Variants in COLEC10 observed in about 807,000 individuals in gnomAD.
COLEC10 encodes collectin-10.
COLEC10 carries 22 observed loss-of-function variants against 28.4 expected under a neutral mutation model. The ratio of observed to expected loss-of-function variants is 0.78; its 90% CI spans 0.55 to 1.11. The LOEUF is 1.11. Among genes scored for constraint, COLEC10 ranks in the 50% least tolerant of loss-of-function variants. The pLI, the probability that COLEC10 is intolerant of heterozygous loss-of-function variation, is 0.00. For synonymous variants in COLEC10, 125 were observed against 116.1 expected, an observed-to-expected ratio of 1.08 and a Z score of -0.49; for missense variants, 361 against 344.1, an observed-to-expected ratio of 1.05 and a Z score of -0.39.
At chr8:119,004,566 A>G (rs7838083) in intron 1 of COLEC10, among the ~76,000 whole-genome samples, 96,550 of 149,596 alleles carry the variant, frequency 0.65, 32,157 homozygotes, top group African/African-American at 0.81. Context: ...CATATATATC[A>G]CCAAATATAT....
At position 119,033,781 on chromosome 8, in the gene COLEC10, A is replaced by G. The variant is rs1310753105; in HGVS notation, n.235+24228A>G. On this transcript the variant is annotated intron_variant and non_coding_transcript_variant, in intron 2 of 6. Transcript: ENST00000521788. ...GTTCTGGAGAAATAGGAATGCTTTT[A>G]TACTGTTGGTGGGAGTGTAAATTAG... Among the ~76,000 whole-genome samples, 7 of 152,364 alleles carry G rather than the reference A, an allele frequency of 4.6e-5. No individual in the cohort carries two copies. In the South Asian group the frequency reaches 8.3e-4, roughly 18 times the overall value.
rs188868075 is a variant in COLEC10, at chr8:119,108,134, T to C, written c.*1943T>C. Among the ~76,000 whole-genome samples, 193 of 152,286 alleles carry C rather than the reference T, an allele frequency of 1.3e-3. 2 individuals are homozygous for C. The highest frequency in any genetic ancestry group is 3.4e-3 in the Middle Eastern group (1 of 294). ...TATCAGGTTACTAGTTAAACTCTTT[T>C]GAGATGATAGTACATGACACTTTAA... On this transcript the variant is annotated 3_prime_UTR_variant, in exon 6 of 6. Transcript: ENST00000332843.
the COLEC10 span, among the ~76,000 whole-genome samples, chr8:118,957,453 A>C: frequency 6.6e-6 from 1 of 152,212 alleles, no homozygotes; most frequent in African/African-American, 2.4e-5. Flanking sequence ...AAAAGAACAC[A>C]TGAGGTGGCC....
chr8:118,969,624 A>G, the COLEC10 span, among the ~76,000 whole-genome samples: 1 of 151,228 alleles, frequency 6.6e-6, no homozygotes, highest in Non-Finnish European at 1.5e-5. Flanking sequence ...ATTGTGGTAC[A>G]CCCAATACCC....
chr8:119,067,180 G>A (rs1222788085), upstream of COLEC10: 4 of 1,246,690 alleles, frequency 3.2e-6, no homozygotes, highest in South Asian at 1.4e-5. Flanking sequence ...TGGAATGTGT[G>A]TTCCAAATAC....
At chr8:119,016,579 C>T (rs550972923) in intron 2 of COLEC10, among the ~76,000 whole-genome samples, 4 of 152,144 alleles carry the variant, frequency 2.6e-5, no homozygotes, top group Admixed American at 6.5e-5. Flanking sequence ...GTTTTCGGTA[C>T]TAGATCCTTA....
upstream of COLEC10, among the ~76,000 whole-genome samples, chr8:118,993,351 T>A (rs115257295): frequency 6.6e-5 from 10 of 151,894 alleles, no homozygotes; most frequent in African/African-American, 2.4e-4. Context: ...TGTTTGTTTA[T>A]GTTTCATTTT....
intron 2 of COLEC10, among the ~76,000 whole-genome samples, chr8:119,019,331 G>A (rs79507112): frequency 0.021 from 3,193 of 152,188 alleles, 54 homozygotes; most frequent in Non-Finnish European, 0.029. Flanking sequence ...AGTGCAGTCC[G>A]TATTGAAGGG....
chr8:118,961,960 A>T, the COLEC10 span, among the ~76,000 whole-genome samples: 1 of 152,160 alleles, frequency 6.6e-6, no homozygotes, highest in Non-Finnish European at 1.5e-5. Context: ...AGCTGAGCTC[A>T]TGTTCTCCAA....
At chr8:118,976,181 A>G in the COLEC10 span, among the ~76,000 whole-genome samples, 1 of 151,988 alleles carries the variant, frequency 6.6e-6, no homozygotes, top group East Asian at 1.9e-4. Context: ...ATCCTCTTTT[A>G]TTTTCCCACT....
intron 2 of COLEC10, among the ~76,000 whole-genome samples, chr8:119,017,881 T>C (rs1025877372): frequency 6.6e-6 from 1 of 152,158 alleles, no homozygotes; most frequent in Non-Finnish European, 1.5e-5. Flanking sequence ...TTATTAGCTG[T>C]TTAAGAAGTC....
At chr8:118,976,991 A>G in the COLEC10 span, among the ~76,000 whole-genome samples, 4 of 150,274 alleles carry the variant, frequency 2.7e-5, no homozygotes, top group South Asian at 2.1e-4. Flanking sequence ...CAAAAAACAC[A>G]TGAAAAAATG....
the COLEC10 span, among the ~76,000 whole-genome samples, chr8:118,964,410 A>G: frequency 9.2e-5 from 14 of 152,178 alleles, no homozygotes; most frequent in African/African-American, 3.4e-4. Context: ...TTACAAATTG[A>G]GGAAGTTAGA....
chr8:119,069,623 AAAAAAAAT>A (rs1431293939), intron 1 of COLEC10, among the ~76,000 whole-genome samples: 9 of 54,338 alleles, frequency 1.7e-4, no homozygotes, highest in Non-Finnish European at 2.0e-4. Flanking sequence ...AAAAAAAAAA[AAAAAAAAT>A]ATATATATAT....
At chr8:118,963,041 A>G in the COLEC10 span, among the ~76,000 whole-genome samples, 2 of 152,178 alleles carry the variant, frequency 1.3e-5, no homozygotes, top group Non-Finnish European at 2.9e-5. Flanking sequence ...AGGGTGTGAA[A>G]GAAAAACACA....
the COLEC10 span, among the ~76,000 whole-genome samples, chr8:118,986,726 G>A: frequency 6.6e-6 from 1 of 152,100 alleles, no homozygotes; most frequent in Non-Finnish European, 1.5e-5. Context: ...ATGAAGTACT[G>A]ATGCATTCTA....
chr8:118,959,896 A>G, the COLEC10 span, among the ~76,000 whole-genome samples: 1 of 152,226 alleles, frequency 6.6e-6, no homozygotes. Context: ...GGATTTTAAA[A>G]AGCTTCAGTA....
At chr8:119,014,542 T>C (rs1233485522) in intron 2 of COLEC10, among the ~76,000 whole-genome samples, 1 of 150,724 alleles carries the variant, frequency 6.6e-6, no homozygotes, top group Non-Finnish European at 1.5e-5. Flanking sequence ...CTAGATGTAG[T>C]TTTTGTTTGT....
the COLEC10 span, among the ~76,000 whole-genome samples, chr8:118,984,666 T>C: frequency 1.3e-5 from 2 of 152,034 alleles, no homozygotes; most frequent in African/African-American, 4.8e-5. Context: ...CTGATGTGTC[T>C]ATAAGCCAAG....
Sources: gnomAD v4.1 joint callset for allele counts (sites outside exome capture counted in the v4.1 genomes callset) on GRCh38, gnomAD v4.1.1 for gene constraint, MANE v1.5 for transcripts, NCBI Gene and HGNC (gene_info 2026-07-23, HGNC 2026-07-21) for gene names.